PARD3B: variants seen among roughly 807,000 people sequenced by gnomAD.
PARD3B encodes the protein partitioning defective 3 homolog B.
A neutral mutation model predicts 130.2 loss-of-function variants in PARD3B; 103 were observed. The observed-to-expected ratio is 0.79, with a 90% CI of 0.67 to 0.93. PARD3B has a LOEUF of 0.93. Ranked by LOEUF, PARD3B falls within the 40% of genes least tolerant of loss-of-function variation. PARD3B has a pLI of 0.00. For synonymous variants in PARD3B, 583 were observed against 553.2 expected (o/e 1.05, Z -0.76); for missense variants, 1,609 against 1,499.2 (o/e 1.07, Z -1.21).
intron 18 of PARD3B, among the ~76,000 whole-genome samples, chr2:205,395,056 T>A (rs1037206635): frequency 2.0e-5 from 3 of 152,226 alleles, no homozygotes; most frequent in Admixed American, 2.0e-4. Context: ...TTCTCTGTCC[T>A]CCATCTCCGA....
intron 2 of PARD3B, among the ~76,000 whole-genome samples, chr2:204,819,977 G>A (rs759460989): frequency 2.0e-4 from 30 of 151,856 alleles, no homozygotes; most frequent in Non-Finnish European, 4.1e-4. Flanking sequence ...CACAGTCCAG[G>A]GTGAAACAGC....
chr2:205,238,661 G>A (rs1360239437), intron 15 of PARD3B, among the ~76,000 whole-genome samples: 5 of 150,414 alleles, frequency 3.3e-5, no homozygotes, highest in Non-Finnish European at 5.9e-5. Flanking sequence ...GTGAAACCCC[G>A]TCTTTACTAA....
chr2:204,751,370 A>C (rs2040459945), intron 2 of PARD3B, among the ~76,000 whole-genome samples: 1 of 152,234 alleles, frequency 6.6e-6, no homozygotes, highest in South Asian at 2.1e-4. Flanking sequence ...TAAAACTTCT[A>C]ATGGAAGGTG....
At position 205,607,831 on chromosome 2, in the gene PARD3B, TACACACACACACAC is replaced by T. The variant is rs776583001; in HGVS notation, c.3261-7589_3261-7576del. On this transcript the variant is annotated intron_variant, in intron 22 of 22. Transcript: ENST00000406610. ...TGGAGGCCCTCTCCCCCAACACCCATACACACACACACACACACACACACACACACACACACACA... is the reference window on the plus strand; with the variant it reads ...TGGAGGCCCTCTCCCCCAACACCCATACACACACACACACACACACACACA... Among the ~76,000 whole-genome samples, 558 of 116,228 alleles carry T rather than the reference TACACACACACACAC, an allele frequency of 4.8e-3. 1 individual carries two copies. The highest frequency in any genetic ancestry group is 6.8e-3 in the East Asian group (28 of 4,144). 76.3% of individuals were successfully genotyped at this position (116,228 alleles called of 152,430 possible).
At chr2:204,568,134 A>G (rs189867018) in intron 1 of PARD3B, among the ~76,000 whole-genome samples, 58 of 152,368 alleles carry the variant, frequency 3.8e-4, no homozygotes, top group African/African-American at 1.2e-3. Flanking sequence ...CAGATTTTCA[A>G]AAAAGGTATT....
At chr2:205,169,136 G>A (rs1347900225) in intron 11 of PARD3B, among the ~76,000 whole-genome samples, 2 of 152,104 alleles carry the variant, frequency 1.3e-5, no homozygotes, top group Non-Finnish European at 2.9e-5. Flanking sequence ...GTGCTTACTG[G>A]CATCGCCATT....
Position 204,604,019 on chromosome 2 carries a change from A to G in PARD3B, c.120+57900A>G, listed in dbSNP as rs551647488. ...GGTCCTACCTGCTGGGTGAGTAATAAATATTTGTTGAAGGGTTTTGGTCAT... is the reference window on the plus strand; with the variant it reads ...GGTCCTACCTGCTGGGTGAGTAATAGATATTTGTTGAAGGGTTTTGGTCAT... On this transcript the variant is annotated intron_variant, in intron 1 of 22. Transcript: ENST00000406610. 1.1e-4 allele frequency among the ~76,000 whole-genome samples: 17 copies of G among 152,244 alleles called. No individual in the cohort carries two copies. The East Asian group carries it at 3.3e-3, about 29-fold the overall frequency.
chr2:205,172,423 G>A (rs2035226367), intron 12 of PARD3B, 42 bp downstream of exon 12: 2 of 1,580,236 alleles, frequency 1.3e-6, no homozygotes, highest in Admixed American at 1.7e-5. Flanking sequence ...TGCCCAAATT[G>A]CCACCAGAAT....
At chr2:205,228,631 T>G (rs2038683547) in intron 15 of PARD3B, among the ~76,000 whole-genome samples, 1 of 152,182 alleles carries the variant, frequency 6.6e-6, no homozygotes, top group Non-Finnish European at 1.5e-5. Flanking sequence ...TTTCTCTTGG[T>G]TTGGGAAATT....
At chr2:205,554,172 AG>A (rs1166893440) in intron 22 of PARD3B, among the ~76,000 whole-genome samples, 3 of 152,202 alleles carry the variant, frequency 2.0e-5, no homozygotes, top group Non-Finnish European at 4.4e-5. Flanking sequence ...AGAGAAACAA[AG>A]TAAGGTTAAT....
chr2:205,195,557 A>G (rs1325127206), intron 15 of PARD3B, among the ~76,000 whole-genome samples: 2 of 152,220 alleles, frequency 1.3e-5, no homozygotes, highest in African/African-American at 2.4e-5. Flanking sequence ...TGATACCGCA[A>G]TGGTAAACAT....
At chr2:205,394,993 A>C (rs1465824707) in intron 18 of PARD3B, among the ~76,000 whole-genome samples, 3 of 152,144 alleles carry the variant, frequency 2.0e-5, no homozygotes, top group Non-Finnish European at 2.9e-5. Context: ...TAAAATGGTA[A>C]ATTTTATGTT....
chr2:205,150,384 G>GGTA (rs1358007438), intron 10 of PARD3B, among the ~76,000 whole-genome samples: 2 of 151,970 alleles, frequency 1.3e-5, no homozygotes, highest in African/African-American at 4.8e-5. Context: ...TAGGGCACTT[G>GGTA]GTAGTACTTT....
intron 4 of PARD3B, among the ~76,000 whole-genome samples, chr2:205,083,015 G>A (rs2125517294): frequency 6.6e-6 from 1 of 151,708 alleles, no homozygotes; most frequent in Admixed American, 6.6e-5. Flanking sequence ...TGCCTACTGG[G>A]TTCAAGTGAT....
At position 205,253,958 on chromosome 2, in the gene PARD3B, A is replaced by G. The variant is rs1460388355; in HGVS notation, c.2185+8136A>G. On this transcript the variant is annotated intron_variant, in intron 16 of 22. Coordinates refer to ENST00000406610, the MANE Select transcript of PARD3B (RefSeq NM_001302769.2). This position sits in a 1 kb window ranked among gnomAD's most constrained non-coding sequence, Gnocchi z 4.4. ...AGAGGTTGGGTTGAAAATGAACAGTATTTTGTCAACCATGGAAGGATAGTT... is the reference window on the plus strand; with the variant it reads ...AGAGGTTGGGTTGAAAATGAACAGTGTTTTGTCAACCATGGAAGGATAGTT... Among the ~76,000 whole-genome samples, 2 of 152,006 alleles carry G rather than the reference A, an allele frequency of 1.3e-5. No homozygotes were observed. Among genetic ancestry groups the G allele is most frequent in the African/African-American group, 2.4e-5 (1 of 41,400 alleles).
At chr2:204,773,936 T>C (rs73982507) in intron 2 of PARD3B, among the ~76,000 whole-genome samples, 2,034 of 152,200 alleles carry the variant, frequency 0.013, 53 homozygotes, top group African/African-American at 0.047. Flanking sequence ...GTCATGGGTG[T>C]CGACCCTGCC....
intron 18 of PARD3B, among the ~76,000 whole-genome samples, chr2:205,392,098 T>C (rs2045880616): frequency 2.0e-5 from 3 of 152,202 alleles, no homozygotes; most frequent in African/African-American, 7.2e-5. Flanking sequence ...GTATCTGGTA[T>C]TTCTAAATCC....
In PARD3B at chr2:204,740,314, G is replaced by A. The variant is rs188249365; in HGVS notation, c.222+54032G>A. Among the ~76,000 whole-genome samples the A allele has an allele frequency of 1.2e-4, 18 of 152,182 alleles. No homozygotes were observed. In the East Asian group the frequency reaches 3.5e-3, roughly 29 times the overall value. On this transcript the variant is annotated intron_variant, in intron 2 of 22. Coordinates refer to ENST00000406610, the MANE Select transcript of PARD3B (RefSeq NM_001302769.2). The stretch of plus-strand genomic sequence containing the variant: ...TGGAATTACAAGTGTGAGCCACTAT[G>A]CCCGGCCAACTTTAATTCTTTACAT...
chr2:205,224,732 T>A (rs990917351), intron 15 of PARD3B, among the ~76,000 whole-genome samples: 5 of 152,136 alleles, frequency 3.3e-5, no homozygotes, highest in African/African-American at 4.8e-5. Flanking sequence ...GTTCCATCCA[T>A]TTGTTGGAAA....
Sources: allele counts gnomAD v4.1 joint callset (sites outside exome capture counted in the v4.1 genomes callset), GRCh38; gene constraint gnomAD v4.1.1; non-coding constraint Gnocchi (gnomAD v3.1); transcripts MANE v1.5; gene names NCBI Gene and HGNC (gene_info 2026-07-23, HGNC 2026-07-21).